The following KHDRBS2 variants were observed in gnomAD, a reference collection of about 807,000 sequenced individuals.
KHDRBS2 encodes KH domain-containing, RNA-binding, signal transduction-associated protein 2.
A neutral mutation model predicts 44.3 loss-of-function variants in KHDRBS2; 26 were observed. The observed-to-expected ratio is 0.59, with a 90% CI of 0.43 to 0.81. KHDRBS2 has a LOEUF of 0.81. Ranked by LOEUF, KHDRBS2 falls within the 40% of genes least tolerant of loss-of-function variation. The pLI is 0.00. For synonymous variants in KHDRBS2, 194 were observed against 151.1 expected (o/e 1.28, Z -2.08); for missense variants, 476 against 433.1 (o/e 1.10, Z -0.88).
intron 2 of KHDRBS2, among the ~76,000 whole-genome samples, chr6:62,114,334 A>T (rs1372122060): frequency 2.0e-5 from 3 of 152,182 alleles, no homozygotes; most frequent in African/African-American, 7.2e-5. Context: ...AATAGGAGTT[A>T]ATAGGGCTGT....
intron 7 of KHDRBS2, among the ~76,000 whole-genome samples, chr6:61,697,607 T>A (rs963689444): frequency 2.0e-5 from 3 of 152,122 alleles, no homozygotes; most frequent in Non-Finnish European, 2.9e-5. Context: ...CAATCATGTA[T>A]AGCTTTTAAT....
At chr6:62,073,535 T>TC (rs1795700396) in intron 2 of KHDRBS2, among the ~76,000 whole-genome samples, 1 of 148,038 alleles carries the variant, frequency 6.8e-6, no homozygotes, top group Non-Finnish European at 1.5e-5. Context: ...TTTTTCTTTT[T>TC]TTTTTTTTTT....
chr6:61,679,395 T>C (rs1316682303), downstream of KHDRBS2, among the ~76,000 whole-genome samples: 1 of 151,958 alleles, frequency 6.6e-6, no homozygotes, highest in Non-Finnish European at 1.5e-5. Context: ...GACCTATTTG[T>C]TATATTTTTG....
intron 2 of KHDRBS2, among the ~76,000 whole-genome samples, chr6:62,072,341 T>C (rs1057150021): frequency 1.3e-5 from 2 of 152,202 alleles, no homozygotes; most frequent in Non-Finnish European, 2.9e-5. Flanking sequence ...TATTTCCTTC[T>C]CCTGCCTGAT....
chr6:61,686,628 T>A (rs1766841081), intron 8 of KHDRBS2, among the ~76,000 whole-genome samples: 1 of 151,680 alleles, frequency 6.6e-6, no homozygotes, highest in African/African-American at 2.4e-5. Context: ...TTGTGTATAT[T>A]ATTAGCAAAT....
intron 1 of KHDRBS2, among the ~76,000 whole-genome samples, chr6:62,200,676 G>T (rs1826773402): frequency 1.3e-5 from 2 of 152,182 alleles, no homozygotes; most frequent in African/African-American, 4.8e-5. Context: ...AGTCAGTGTG[G>T]TGATTCTTCA....
chr6:62,195,555 G>C (rs1444556782), intron 1 of KHDRBS2, among the ~76,000 whole-genome samples: 1 of 152,080 alleles, frequency 6.6e-6, no homozygotes, highest in Non-Finnish European at 1.5e-5. Context: ...TATAAAGCAT[G>C]GCTCACTATT....
chr6:61,842,900 G>A (rs1793789446), intron 6 of KHDRBS2, among the ~76,000 whole-genome samples: 1 of 138,384 alleles, frequency 7.2e-6, no homozygotes, highest in Admixed American at 7.1e-5. Context: ...TATCTCTATA[G>A]ATACATATAA....
At chr6:62,018,559 ATGATCTCGATATCCTGACCTCG>A (rs2127277545) in intron 3 of KHDRBS2, among the ~76,000 whole-genome samples, 1 of 152,092 alleles carries the variant, frequency 6.6e-6, no homozygotes. Context: ...ATTAGCCAGG[ATGATCTCGATATCCTGACCTCG>A]TGATCCGCGC....
chr6:61,982,796 C>A (rs2127405868), intron 3 of KHDRBS2, among the ~76,000 whole-genome samples: 1 of 151,922 alleles, frequency 6.6e-6, no homozygotes, highest in African/African-American at 2.4e-5. Flanking sequence ...ATTATATGGG[C>A]CTCAGTAGAC....
intron 2 of KHDRBS2, among the ~76,000 whole-genome samples, chr6:62,103,714 G>T (rs1424909197): frequency 6.6e-6 from 1 of 152,146 alleles, no homozygotes; most frequent in African/African-American, 2.4e-5. Context: ...CCCCAGCCAT[G>T]TCTCTCCCAC....
intron 2 of KHDRBS2, among the ~76,000 whole-genome samples, chr6:62,126,993 A>G (rs1809128887): frequency 6.6e-6 from 1 of 152,186 alleles, no homozygotes; most frequent in African/African-American, 2.4e-5. Context: ...CTATGGCTGA[A>G]TAAGTTATTA....
intron 4 of KHDRBS2, among the ~76,000 whole-genome samples, chr6:61,956,856 G>A (rs576864639): frequency 3.3e-5 from 5 of 151,846 alleles, no homozygotes; most frequent in Admixed American, 6.6e-5. Context: ...GAGTTAAGTC[G>A]CTTAGAATAG....
intron 1 of KHDRBS2, among the ~76,000 whole-genome samples, chr6:62,242,421 A>T (rs1261887939): frequency 6.6e-6 from 1 of 152,136 alleles, no homozygotes; most frequent in Non-Finnish European, 1.5e-5. Flanking sequence ...GTTACTCTGC[A>T]CATTACAGGA....
intron 7 of KHDRBS2, among the ~76,000 whole-genome samples, chr6:61,700,737 T>A: frequency 8.0e-6 from 1 of 125,436 alleles, no homozygotes; most frequent in South Asian, 2.5e-4. Context: ...CACATTTACC[T>A]TCTCAGTTGG....
At chr6:61,652,515 G>C in the KHDRBS2 span, among the ~76,000 whole-genome samples, 1 of 151,878 alleles carries the variant, frequency 6.6e-6, no homozygotes, top group South Asian at 2.1e-4. Flanking sequence ...TGTGTATATA[G>C]TTACAAATTA....
intron 8 of KHDRBS2, among the ~76,000 whole-genome samples, chr6:61,695,136 G>A (rs755433179): frequency 9.2e-5 from 14 of 152,034 alleles, no homozygotes; most frequent in Non-Finnish European, 1.8e-4. Context: ...GAAGCTGAAC[G>A]CCTTTCCTTT....
At chr6:62,018,637 G>A (rs956309613) in intron 3 of KHDRBS2, among the ~76,000 whole-genome samples, 3 of 152,076 alleles carry the variant, frequency 2.0e-5, no homozygotes, top group East Asian at 1.9e-4. Context: ...GAGCCACCGC[G>A]CCCGGCCCAA....
chr6:61,700,546 A>C (rs2295038), intron 7 of KHDRBS2, among the ~76,000 whole-genome samples: 1 of 151,520 alleles, frequency 6.6e-6, no homozygotes, highest in East Asian at 2.0e-4. Context: ...TCCATAGATA[A>C]ATGTTTACTT....
Sources: gnomAD v4.1 joint callset for allele counts (sites outside exome capture counted in the v4.1 genomes callset) on GRCh38, gnomAD v4.1.1 for gene constraint, MANE v1.5 for transcripts, NCBI Gene and HGNC (gene_info 2026-07-23, HGNC 2026-07-21) for gene names.